DPYSL2: variants seen among roughly 807,000 people sequenced by gnomAD.
DPYSL2 encodes the protein dihydropyrimidinase-related protein 2.
In DPYSL2, 13 loss-of-function variants were observed where a neutral mutation model predicts 69.9. The observed-to-expected ratio is 0.19, with a 90% CI of 0.12 to 0.30. The LOEUF (loss-of-function observed/expected upper bound fraction) is 0.30, where lower values mean the gene tolerates loss of function less well. Ranked by LOEUF, DPYSL2 falls within the 10% of genes least tolerant of loss-of-function variation. DPYSL2 has a pLI of 1.00. For synonymous variants in DPYSL2, 326 were observed against 359.1 expected, an observed-to-expected ratio of 0.91 and a Z score of 1.04; for missense variants, 587 against 918.9, an observed-to-expected ratio of 0.64 and a Z score of 4.67.
chr8:26,657,629 A>G lies in DPYSL2; in HGVS notation c.*1923A>G, dbSNP rs1483997073. The stretch of plus-strand genomic sequence containing the variant: ...TATATTTGCTTTTTTTCTCACCTGC[A>G]CTTAGAGGAAATTTGAACAAGTTGG... On this transcript the variant is annotated 3_prime_UTR_variant, in exon 14 of 14. Transcript: ENST00000521913. The G allele has an allele frequency of 1.3e-5, 2 of 152,588 alleles. No homozygotes were observed. Among genetic ancestry groups the G allele is most frequent in the Admixed American group, 1.3e-4 (2 of 15,272 alleles). 9.5% of individuals were successfully genotyped at this position (152,588 alleles called of 1,614,324 possible). A position where few individuals can be genotyped will look rare whatever the true frequency, so the allele number is the denominator to read the frequency against.
chr8:26,534,452 C>T (rs1474287789), intron 1 of DPYSL2, among the ~76,000 whole-genome samples: 1 of 152,030 alleles, frequency 6.6e-6, no homozygotes, highest in African/African-American at 2.4e-5. Flanking sequence ...AGCCACCATG[C>T]CCTGCCTCTC....
At chr8:26,569,382 A>AAG (rs1801203300) in intron 1 of DPYSL2, among the ~76,000 whole-genome samples, 1 of 151,138 alleles carries the variant, frequency 6.6e-6, no homozygotes. Flanking sequence ...AAAAACAAAA[A>AAG]AAAACCAAAG....
rs1333823317 is a variant in DPYSL2, at chr8:26,517,353, C to T, written c.354+2674C>T. On this transcript the variant is annotated intron_variant, in intron 1 of 13. Transcript: ENST00000521913. This position sits in a 1 kb window ranked among gnomAD's most constrained non-coding sequence, Gnocchi z 4.2. ...GTATGAGCCAGACAGCACCAGAAAG[C>T]GATGGGTGTGGCTTGACTCGGCATG... is the stretch of plus-strand genomic sequence containing the variant. Among the ~76,000 whole-genome samples, 2 of 152,154 alleles carry T rather than the reference C, an allele frequency of 1.3e-5. No individual in the cohort carries two copies. Among genetic ancestry groups the T allele is most frequent in the East Asian group, 1.9e-4 (1 of 5,186 alleles).
chr8:26,642,306 G>A lies in DPYSL2; in HGVS notation c.1127-1133G>A, dbSNP rs1219355044. ...GATGGGATTCTCAGGTGAAGGGTGT[G>A]AGACCCGAGTTGTGTTTTGGACGAT... On this transcript the variant is annotated intron_variant, in intron 8 of 13. Transcript: ENST00000521913. This position sits in a 1 kb window ranked among gnomAD's most constrained non-coding sequence, Gnocchi z 5.3. 1.3e-5 allele frequency among the ~76,000 whole-genome samples: 2 copies of A among 152,194 alleles called. No homozygotes were observed. The highest frequency in any genetic ancestry group is 3.8e-4 in the East Asian group (2 of 5,198).
chr8:26,519,090 C>T (rs758216557), intron 1 of DPYSL2, among the ~76,000 whole-genome samples: 12 of 152,192 alleles, frequency 7.9e-5, no homozygotes, highest in Non-Finnish European at 1.5e-4. Flanking sequence ...ATTGCATATG[C>T]AATGTTATGT....
At chr8:26,631,849 C>T (rs1225051667) in intron 7 of DPYSL2, among the ~76,000 whole-genome samples, 6 of 152,208 alleles carry the variant, frequency 3.9e-5, no homozygotes, top group Non-Finnish European at 7.3e-5. Flanking sequence ...TGCCGGCTGA[C>T]GTCTCCTCTC....
At chr8:26,577,328 C>T (rs1229029996) in intron 1 of DPYSL2, 3 of 240,144 alleles carry the variant, frequency 1.2e-5, no homozygotes, top group African/African-American at 4.8e-5. Flanking sequence ...TTCCCGCCCG[C>T]CGCCGTTCCA....
intron 8 of DPYSL2, among the ~76,000 whole-genome samples, chr8:26,639,782 A>G (rs1802999474): frequency 6.6e-6 from 1 of 151,986 alleles, no homozygotes; most frequent in African/African-American, 2.4e-5. Context: ...CTGTGTCTCT[A>G]TTGTCCCATC....
chr8:26,584,886 T>G (rs922279850), intron 3 of DPYSL2, among the ~76,000 whole-genome samples: 5 of 152,190 alleles, frequency 3.3e-5, no homozygotes, highest in African/African-American at 9.7e-5. Context: ...CCCAAAGTGC[T>G]GGGATTACAG....
At position 26,626,639 on chromosome 8, in the gene DPYSL2, C is replaced by T. The variant is rs778972061; in HGVS notation, c.816C>T (p.Tyr272=). The change falls in exon 5 of 14, where the codon TAC becomes TAT. Residue 272 remains tyrosine, a synonymous_variant. Transcript: ENST00000521913. The surrounding 1 kb of genome is among the most constrained non-coding windows in gnomAD (Gnocchi z 4.3). ...TAGGGGTAAATTCCTTCCTCGTGTA[C>T]ATGGCTTTCAAAGATCGCTTCCAGC... The part of the protein sequence containing the change: ...KDHGVNSFLV[Y]MAFKDRFQLT... The T allele has an allele frequency of 5.0e-6, 8 of 1,614,056 alleles. No homozygotes were observed. Among genetic ancestry groups the T allele is most frequent in the Non-Finnish European group, 6.8e-6 (8 of 1,180,046 alleles).
In DPYSL2 at chr8:26,647,492, G is replaced by T; in HGVS notation, c.1426-138G>T. The stretch of plus-strand genomic sequence containing the variant: ...TCATACAGTGTGTGACCTTTGAGAC[G>T]GTTTGTGTTTCACTTGGCACAACGC... On this transcript the variant is annotated intron_variant, in intron 10 of 13. Transcript: ENST00000521913. This position sits in a 1 kb window ranked among gnomAD's most constrained non-coding sequence, Gnocchi z 5.1. The T allele has an allele frequency of 2.3e-6, 2 of 873,086 alleles. No homozygotes were observed. Among genetic ancestry groups the T allele is most frequent in the Non-Finnish European group, 3.5e-6 (2 of 564,088 alleles). The allele number at this position is 873,086 out of a possible 1,614,324, so 54.1% of individuals were successfully genotyped here.
chr8:26,515,181 C>T (rs1867169), intron 1 of DPYSL2, among the ~76,000 whole-genome samples: 51,669 of 152,044 alleles, frequency 0.34, 10,959 homozygotes, highest in East Asian at 0.67. Flanking sequence ...TCTGCGCTCA[C>T]GTCCCGAGCT....
rs1373385816 is a variant in DPYSL2 at position 26,614,628 on chromosome 8, C to T, written c.629-9515C>T. ...ACCAGATCTTGGCTTAACACTTCCC[C>T]CAGAGTTAGTCATAATCATTCTAGC... On this transcript the variant is annotated intron_variant, in intron 3 of 13. Coordinates refer to ENST00000521913, the MANE Select transcript of DPYSL2 (RefSeq NM_001197293.3). The surrounding 1 kb of genome is among the most constrained non-coding windows in gnomAD (Gnocchi z 4.9). 1.3e-5 allele frequency among the ~76,000 whole-genome samples: 2 copies of T among 152,126 alleles called. No homozygotes were observed. The highest frequency in any genetic ancestry group is 2.9e-5 in the Non-Finnish European group (2 of 68,030).
At position 26,621,412 on chromosome 8, in the gene DPYSL2, G is replaced by A. The variant is rs546276861; in HGVS notation, c.629-2731G>A. Reference sequence around the variant, plus strand: ...AGTGTTGAGGGGAGGGGTCTTTGCCGCAGCAAAAGCTGGTCCGGTTCCCAG... The same window carrying A: ...AGTGTTGAGGGGAGGGGTCTTTGCCACAGCAAAAGCTGGTCCGGTTCCCAG... On this transcript the variant is annotated intron_variant, in intron 3 of 13. Transcript: ENST00000521913. The surrounding 1 kb of genome is among the most constrained non-coding windows in gnomAD (Gnocchi z 4.9). Among the ~76,000 whole-genome samples, 13 of 152,270 alleles carry A rather than the reference G, an allele frequency of 8.5e-5. No homozygotes were observed. Among genetic ancestry groups the A allele is most frequent in the East Asian group, 1.9e-4 (1 of 5,172 alleles).
intron 1 of DPYSL2, among the ~76,000 whole-genome samples, chr8:26,518,162 G>C (rs1808323953): frequency 6.6e-6 from 1 of 152,192 alleles, no homozygotes; most frequent in Non-Finnish European, 1.5e-5. Flanking sequence ...TCTGATAATA[G>C]ACTAGCCTGT....
intron 1 of DPYSL2, among the ~76,000 whole-genome samples, chr8:26,535,161 C>T (rs916159242): frequency 4.6e-5 from 7 of 152,280 alleles, no homozygotes; most frequent in Admixed American, 3.9e-4. Context: ...GGACTTCTTC[C>T]ACATTGCAGA....
intron 1 of DPYSL2, among the ~76,000 whole-genome samples, chr8:26,556,106 GTATATATATACTATATATATTATATATAC>G (rs1800948252): frequency 4.1e-5 from 1 of 24,242 alleles, no homozygotes. Flanking sequence ...ATTATATATA[GTATATATATACTATATATATTATATATAC>G]TATATATAGT....
Position 26,580,077 on chromosome 8 carries a change from G to A in DPYSL2, c.355-1892G>A, listed in dbSNP as rs1262516980. Among the ~76,000 whole-genome samples the A allele has an allele frequency of 6.6e-6, 1 of 151,982 alleles. No homozygotes were observed. Among genetic ancestry groups the A allele is most frequent in the Non-Finnish European group, 1.5e-5 (1 of 68,004 alleles). On this transcript the variant is annotated intron_variant, in intron 1 of 13. Transcript: ENST00000521913. The surrounding 1 kb of genome is among the most constrained non-coding windows in gnomAD (Gnocchi z 4.1). ...AGAGCCTTCTGGAAGGCACTAGAGT[G>A]AACGGGGGTGTGGTGTTTCACTTTT...
In DPYSL2 at chr8:26,516,309, T is replaced by C. The variant is rs1312728100; in HGVS notation, c.354+1630T>C. Among the ~76,000 whole-genome samples, 1 of 152,210 alleles carries C rather than the reference T, an allele frequency of 6.6e-6. No homozygotes were observed. The highest frequency in any genetic ancestry group is 6.5e-5 in the Admixed American group (1 of 15,286). ...ATACTGAAAGCTGAGTGAGTGTGTG[T>C]GAAACACTTCCCTGTGTGAGTACAT... On this transcript the variant is annotated intron_variant, in intron 1 of 13. Coordinates refer to ENST00000521913, the MANE Select transcript of DPYSL2 (RefSeq NM_001197293.3). The surrounding 1 kb of genome is among the most constrained non-coding windows in gnomAD (Gnocchi z 4.8).
Sources: gnomAD v4.1 joint callset for allele counts (sites outside exome capture counted in the v4.1 genomes callset) on GRCh38, gnomAD v4.1.1 for gene constraint, Gnocchi (gnomAD v3.1) non-coding constraint, MANE v1.5 for transcripts, NCBI Gene and HGNC (gene_info 2026-07-23, HGNC 2026-07-21) for gene names.